Variants in DGKD observed in about 807,000 individuals in gnomAD.
DGKD encodes diacylglycerol kinase delta, also known as DAG kinase delta.
DGKD carries 68 observed loss-of-function variants against 154.4 expected under a neutral mutation model. The observed-to-expected ratio is 0.44, with a 90% CI of 0.36 to 0.54. The LOEUF (loss-of-function observed/expected upper bound fraction) is 0.54. Ranked by LOEUF, DGKD falls within the 20% of genes least tolerant of loss-of-function variation. The probability of loss-of-function intolerance (pLI) is 0.00; values close to 1 mark genes in which losing one functional copy is unlikely to be tolerated. For missense variants in DGKD, 1,343 were observed against 1,593.6 expected, an observed-to-expected ratio of 0.84 and a Z score of 2.68; for synonymous variants, 693 against 638.0, an observed-to-expected ratio of 1.09 and a Z score of -1.30.
intron 3 of DGKD, among the ~76,000 whole-genome samples, chr2:233,391,404 G>GT (rs201912382): frequency 7.0e-6 from 1 of 143,518 alleles, no homozygotes. Context: ...TTACACCTGT[G>GT]TTTTTTTCCC....
intron 24 of DGKD, among the ~76,000 whole-genome samples, chr2:233,461,394 C>G (rs1319585044): frequency 6.6e-6 from 1 of 152,278 alleles, no homozygotes; most frequent in Non-Finnish European, 1.5e-5. Flanking sequence ...ATCGTCTGTG[C>G]CAGCCTTCGG....
chr2:233,405,146 TG>T (rs2061651676), intron 3 of DGKD, among the ~76,000 whole-genome samples: 1 of 152,250 alleles, frequency 6.6e-6, no homozygotes, highest in South Asian at 2.1e-4. Context: ...TATGTTGTTA[TG>T]GTTTGATTGT....
At position 233,442,011 on chromosome 2, in the gene DGKD, G is replaced by C; in HGVS notation, c.1194+16G>C. On this transcript the variant is annotated intron_variant, in intron 10 of 29. Transcript: ENST00000264057. ...TCATAAACAGGTACCAGGACAGGAG[G>C]GAGCCCAGCCAGGAGCAGAGAGGGT... 6.2e-7 allele frequency: 1 copy of C among 1,610,424 alleles called. No individual in the cohort carries two copies. Among genetic ancestry groups the C allele is most frequent in the Non-Finnish European group, 8.5e-7 (1 of 1,176,626 alleles).
intron 1 of DGKD, among the ~76,000 whole-genome samples, chr2:233,361,482 C>T (rs898828543): frequency 2.0e-5 from 3 of 152,126 alleles, no homozygotes; most frequent in African/African-American, 7.2e-5. Context: ...TCAAGGGAGG[C>T]GAGGCACTTG....
rs376309869 is a variant in DGKD, at chr2:233,449,246, C to A, written c.1758C>A (p.Ser586=). Residue 586 remains serine, a synonymous_variant, in exon 15 of 30, where the codon TCC becomes TCA. Coordinates refer to ENST00000264057, the MANE Select transcript of DGKD (RefSeq NM_152879.3). This position sits in a 1 kb window ranked among gnomAD's most constrained non-coding sequence, Gnocchi z 5.3. ...DGDGSGSICG[S]TGDRLVASAC... is the part of the protein sequence containing the mutation. Reference sequence around the variant, plus strand: ...ATGGGTCGGGCAGCATCTGCGGTTCCACCGGAGACCGCTTGGTGGCATCAG... The same window carrying A: ...ATGGGTCGGGCAGCATCTGCGGTTCAACCGGAGACCGCTTGGTGGCATCAG... 96 of 1,613,650 alleles carry A rather than the reference C, an allele frequency of 5.9e-5. No individual in the cohort carries two copies. Among genetic ancestry groups the A allele is most frequent in the Non-Finnish European group, 6.8e-6 (8 of 1,179,932 alleles).
intron 3 of DGKD, among the ~76,000 whole-genome samples, chr2:233,409,732 A>G (rs919442989): frequency 1.3e-5 from 2 of 150,650 alleles, no homozygotes; most frequent in Admixed American, 6.6e-5. Context: ...TCACCACACA[A>G]TTGAAGAACC....
intron 3 of DGKD, among the ~76,000 whole-genome samples, chr2:233,433,540 C>T (rs1270393714): frequency 6.6e-6 from 1 of 152,026 alleles, no homozygotes; most frequent in Non-Finnish European, 1.5e-5. Context: ...GGGGTGACAA[C>T]AGTTAATAAT....
chr2:233,407,907 A>C (rs1314550358), intron 3 of DGKD, among the ~76,000 whole-genome samples: 2 of 152,212 alleles, frequency 1.3e-5, no homozygotes, highest in African/African-American at 2.4e-5. Flanking sequence ...GATGGTTAGG[A>C]CTGCTTCTTG....
At chr2:233,425,905 A>C (rs2062281612) in intron 3 of DGKD, among the ~76,000 whole-genome samples, 1 of 152,254 alleles carries the variant, frequency 6.6e-6, no homozygotes. Context: ...AGGAGAGGAT[A>C]AATTTATAGA....
At chr2:233,364,389 AG>A (rs1477417554) in intron 1 of DGKD, among the ~76,000 whole-genome samples, 1 of 152,266 alleles carries the variant, frequency 6.6e-6, no homozygotes, top group Non-Finnish European at 1.5e-5. Flanking sequence ...TAGAGACTTA[AG>A]GGTTTCTACG....
intron 3 of DGKD, among the ~76,000 whole-genome samples, chr2:233,423,774 C>T (rs77004991): frequency 6.6e-6 from 1 of 152,060 alleles, no homozygotes; most frequent in African/African-American, 2.4e-5. Context: ...GGATCCTTGG[C>T]CTGGAAGAGC....
At chr2:233,410,083 G>T (rs2061789166) in intron 3 of DGKD, among the ~76,000 whole-genome samples, 1 of 152,100 alleles carries the variant, frequency 6.6e-6, no homozygotes, top group South Asian at 2.1e-4. Flanking sequence ...GCCTCCCAAA[G>T]TGCTGGGATT....
intron 7 of DGKD, 78 bp downstream of exon 7, chr2:233,436,519 A>G (rs1334871649): frequency 1.7e-5 from 26 of 1,534,726 alleles, no homozygotes; most frequent in Non-Finnish European, 2.1e-5. Context: ...GCGGCTCCGC[A>G]TGATCTGCTG....
At chr2:233,446,463 G>A (rs981520428) in intron 11 of DGKD, among the ~76,000 whole-genome samples, 8 of 152,230 alleles carry the variant, frequency 5.3e-5, no homozygotes, top group African/African-American at 1.9e-4. Context: ...CCCAGAAGCA[G>A]CATCTTATCT....
intron 3 of DGKD, among the ~76,000 whole-genome samples, chr2:233,403,661 A>G (rs1470156739): frequency 1.4e-5 from 2 of 147,786 alleles, no homozygotes; most frequent in South Asian, 4.4e-4. Flanking sequence ...TTTTTTTTAG[A>G]TGGAGTCTCG....
In DGKD at chr2:233,441,542, G is replaced by A. The variant is rs2062889144; in HGVS notation, c.1086-345G>A. 6.6e-6 allele frequency among the ~76,000 whole-genome samples: 1 copy of A among 152,224 alleles called. No homozygotes were observed. The highest frequency in any genetic ancestry group is 2.1e-4 in the South Asian group (1 of 4,834). On this transcript the variant is annotated intron_variant, in intron 9 of 29. Coordinates refer to ENST00000264057, the MANE Select transcript of DGKD (RefSeq NM_152879.3). This position sits in a 1 kb window ranked among gnomAD's most constrained non-coding sequence, Gnocchi z 5.6. ...TGGGCTCACATGGTTAGGGGCCACGGCAGGCTGTGCCCGTGAGCCTGGCAG... is the reference window on the plus strand; with the variant it reads ...TGGGCTCACATGGTTAGGGGCCACGACAGGCTGTGCCCGTGAGCCTGGCAG...
At chr2:233,409,799 T>G (rs1221761758) in intron 3 of DGKD, among the ~76,000 whole-genome samples, 65 of 143,148 alleles carry the variant, frequency 4.5e-4, no homozygotes, top group African/African-American at 1.4e-3. Flanking sequence ...TTTTTTTTTT[T>G]TTTTTTTTTT....
intron 3 of DGKD, among the ~76,000 whole-genome samples, chr2:233,426,930 C>T (rs964464725): frequency 2.6e-5 from 4 of 152,092 alleles, no homozygotes; most frequent in African/African-American, 4.8e-5. Flanking sequence ...AATTGAGCAC[C>T]GGGTCATGTG....
At chr2:233,370,051 T>G (rs1702233770) in intron 1 of DGKD, among the ~76,000 whole-genome samples, 1 of 152,136 alleles carries the variant, frequency 6.6e-6, no homozygotes, top group Non-Finnish European at 1.5e-5. Context: ...ATTAATGGTA[T>G]TGTGTAACCA....
Sources: gnomAD v4.1 joint callset for allele counts (sites outside exome capture counted in the v4.1 genomes callset) on GRCh38, gnomAD v4.1.1 for gene constraint, Gnocchi (gnomAD v3.1) non-coding constraint, MANE v1.5 for transcripts, NCBI Gene and HGNC (gene_info 2026-07-23, HGNC 2026-07-21) for gene names.